Variants in TIPIN observed in about 807,000 individuals in gnomAD.
TIPIN encodes the protein TIMELESS-interacting protein.
A neutral mutation model predicts 35.6 loss-of-function variants in TIPIN; 29 were observed. The ratio of observed to expected loss-of-function variants is 0.82; its 90% CI spans 0.61 to 1.11. TIPIN has a LOEUF of 1.11. Ranked by LOEUF, TIPIN falls within the 50% of genes most tolerant of loss-of-function variation. The pLI is 0.00. For synonymous variants in TIPIN, 102 were observed against 121.5 expected (o/e 0.84, Z 1.06); for missense variants, 296 against 345.4 (o/e 0.86, Z 1.13).
At chr15:66,383,266 ATTT>A (rs61646046) in intron 1 of TIPIN, among the ~76,000 whole-genome samples, 1 of 144,376 alleles carries the variant, frequency 6.9e-6, no homozygotes, top group African/African-American at 2.6e-5. Flanking sequence ...AAAAGTTTCA[ATTT>A]TTTTTTTTTT....
At chr15:66,346,470 AC>A (rs1382773580) in intron 6 of TIPIN, among the ~76,000 whole-genome samples, 3 of 150,740 alleles carry the variant, frequency 2.0e-5, no homozygotes, top group Non-Finnish European at 3.0e-5. Flanking sequence ...TTCTCCCTCT[AC>A]CCCCAGGGAC....
At chr15:66,375,445 G>A (rs1181113072) in intron 1 of TIPIN, among the ~76,000 whole-genome samples, 2 of 150,522 alleles carry the variant, frequency 1.3e-5, no homozygotes, top group African/African-American at 4.9e-5. Flanking sequence ...AAAGTGCTGA[G>A]ATTACAGGCA....
intron 1 of TIPIN, among the ~76,000 whole-genome samples, chr15:66,371,869 A>G (rs1195518402): frequency 1.3e-5 from 2 of 151,842 alleles, no homozygotes; most frequent in African/African-American, 2.4e-5. Flanking sequence ...CTCATAGCTC[A>G]CTGCAACCTC....
At chr15:66,340,171 CTTT>C (rs1213707475) in intron 7 of TIPIN, among the ~76,000 whole-genome samples, 1 of 69,570 alleles carries the variant, frequency 1.4e-5, no homozygotes, top group Non-Finnish European at 2.7e-5. Flanking sequence ...TGCGCCTGGC[CTTT>C]TTTTTTTTTT....
In TIPIN at chr15:66,355,708, G is replaced by A. The variant is rs754951787; in HGVS notation, c.-9+931C>T. 6.6e-5 allele frequency among the ~76,000 whole-genome samples: 10 copies of A among 152,174 alleles called. No homozygotes were observed. The East Asian group carries it at 7.8e-4, about 12-fold the overall frequency. On this transcript the variant is annotated intron_variant, in intron 1 of 7. Coordinates refer to ENST00000261881, the MANE Select transcript of TIPIN (RefSeq NM_017858.3). ...GGAGCTTGCAGTGAGCCGAGACCGC[G>A]CCACTGCACTCCAGCCTGAGCGAAA... is the stretch of plus-strand genomic sequence containing the variant.
intron 1 of TIPIN, among the ~76,000 whole-genome samples, chr15:66,364,925 C>G (rs2093247333): frequency 7.7e-6 from 1 of 129,700 alleles, no homozygotes; most frequent in Admixed American, 9.1e-5. Flanking sequence ...GAGATCACGT[C>G]ACTGCATTCC....
At position 66,341,266 on chromosome 15, in the gene TIPIN, G is replaced by T. The variant is rs1211551137; in HGVS notation, c.566C>A (p.Ser189Tyr). 2.5e-6 allele frequency: 4 copies of T among 1,613,880 alleles called. No homozygotes were observed. The highest frequency in any genetic ancestry group is 1.1e-5 in the South Asian group (1 of 91,068). The stretch of plus-strand genomic sequence containing the variant: ...TTCTGTTAGGCTTCTACTTAACTCA[G>T]AAGCAAACATCTCACTTTCAGATAA... The part of the protein sequence containing the change: ...TNLSESEMFA[S>Y]ELSRSLTEEQ... The change falls in exon 7 of 8, where the codon TCT becomes TAT. Residue 189 changes from serine (S) to tyrosine (Y), a missense_variant. Physicochemically the swap from Ser to Tyr is moderately radical, Grantham distance 144. Transcript: ENST00000261881.
Position 66,337,015 on chromosome 15 carries a change from A to G in TIPIN, c.849T>C (p.Phe283=). The change falls in exon 8 of 8, where the codon TTT becomes TTC. Residue 283 remains phenylalanine, a synonymous_variant. Coordinates refer to ENST00000261881, the MANE Select transcript of TIPIN (RefSeq NM_017858.3). ...CATCAAGTTGCTGTTGCACATTTTTAAAAGACTGGTCCAGCAGTGTTTCCT... is the reference window on the plus strand; with the variant it reads ...CATCAAGTTGCTGTTGCACATTTTTGAAAGACTGGTCCAGCAGTGTTTCCT... ...NEEETLLDQS[F]KNVQQQLDAT... 1.9e-6 allele frequency: 3 copies of G among 1,613,896 alleles called. No individual in the cohort carries two copies. Among genetic ancestry groups the G allele is most frequent in the Non-Finnish European group, 2.5e-6 (3 of 1,179,838 alleles).
intron 6 of TIPIN, among the ~76,000 whole-genome samples, chr15:66,347,719 G>T (rs1660150571): frequency 6.6e-6 from 1 of 151,988 alleles, no homozygotes; most frequent in Non-Finnish European, 1.5e-5. Flanking sequence ...GAGTAGCTGG[G>T]ATTACAGGCG....
intron 7 of TIPIN, among the ~76,000 whole-genome samples, chr15:66,337,782 A>AT (rs1352855599): frequency 3.2e-4 from 7 of 21,582 alleles, no homozygotes; most frequent in African/African-American, 5.5e-4. Flanking sequence ...AAATAAAATA[A>AT]AAAAAAAAAT....
chr15:66,345,908 G>A (rs1239513410), intron 6 of TIPIN, among the ~76,000 whole-genome samples: 2 of 151,266 alleles, frequency 1.3e-5, no homozygotes, highest in African/African-American at 4.9e-5. Flanking sequence ...CTATATTTCA[G>A]CATGCTTGTA....
chr15:66,381,551 A>AT (rs1423812017), intron 1 of TIPIN, among the ~76,000 whole-genome samples: 1 of 152,250 alleles, frequency 6.6e-6, no homozygotes, highest in East Asian at 1.9e-4. Flanking sequence ...CTTGTCCAGT[A>AT]TTTCATCATA....
Position 66,337,018 on chromosome 15 carries a change from A to G in TIPIN, c.846T>C (p.Ser282=), listed in dbSNP as rs1395729232. The G allele has an allele frequency of 6.2e-7, 1 of 1,613,796 alleles. No homozygotes were observed. The highest frequency in any genetic ancestry group is 2.2e-5 in the East Asian group (1 of 44,876). The part of the protein sequence containing the change: ...LNEEETLLDQ[S]FKNVQQQLDA... Reference sequence around the variant, plus strand: ...CAAGTTGCTGTTGCACATTTTTAAAAGACTGGTCCAGCAGTGTTTCCTCTT... The same window carrying G: ...CAAGTTGCTGTTGCACATTTTTAAAGGACTGGTCCAGCAGTGTTTCCTCTT... Residue 282 remains serine, a synonymous_variant, in exon 8 of 8, where the codon TCT becomes TCC. Coordinates refer to ENST00000261881, the MANE Select transcript of TIPIN (RefSeq NM_017858.3).
intron 1 of TIPIN, chr15:66,366,721 T>C (rs370710241): frequency 1.4e-5 from 9 of 644,490 alleles, no homozygotes; most frequent in Non-Finnish European, 1.7e-5. Context: ...CAGCTGAGAA[T>C]GCACCATTGC....
chr15:66,386,331 A>C (rs2093338576), intron 1 of TIPIN: 1 of 151,512 alleles, frequency 6.6e-6, no homozygotes, highest in Non-Finnish European at 1.5e-5. Flanking sequence ...AAAAAAAATC[A>C]TCAATCTGCT....
intron 6 of TIPIN, among the ~76,000 whole-genome samples, chr15:66,344,455 T>C (rs1185326329): frequency 6.6e-6 from 1 of 152,034 alleles, no homozygotes; most frequent in African/African-American, 2.4e-5. Context: ...AAAAACTACT[T>C]TTTATGAACC....
chr15:66,378,024 T>A (rs962843277), intron 1 of TIPIN, among the ~76,000 whole-genome samples: 13 of 151,554 alleles, frequency 8.6e-5, no homozygotes, highest in African/African-American at 2.9e-4. Context: ...TTTTTTTTTT[T>A]AAACAAAGTC....
chr15:66,373,406 T>A (rs1458400962), intron 1 of TIPIN, among the ~76,000 whole-genome samples: 1 of 148,990 alleles, frequency 6.7e-6, no homozygotes, highest in Non-Finnish European at 1.5e-5. Context: ...GGCAGCAGAA[T>A]GGCATGAACC....
intron 7 of TIPIN, among the ~76,000 whole-genome samples, chr15:66,338,996 G>A (rs1383575639): frequency 6.7e-6 from 1 of 149,620 alleles, no homozygotes; most frequent in African/African-American, 2.5e-5. Context: ...CCAGGCATGG[G>A]GGCACGCACT....
Sources: allele counts gnomAD v4.1 joint callset (sites outside exome capture counted in the v4.1 genomes callset), GRCh38; gene constraint gnomAD v4.1.1; transcripts MANE v1.5; gene names NCBI Gene and HGNC (gene_info 2026-07-23, HGNC 2026-07-21).